SLC22A5: variants seen among roughly 807,000 people sequenced by gnomAD.
SLC22A5 encodes solute carrier family 22 member 5.
In SLC22A5, 44 loss-of-function variants were observed where a neutral mutation model predicts 56.7. The observed-to-expected ratio is 0.78, with a 90% CI of 0.61 to 1.00. SLC22A5 has a LOEUF of 1.00. SLC22A5 is among the 50% of genes least tolerant of loss of function. SLC22A5 has a pLI of 0.00. For synonymous variants in SLC22A5, 278 were observed against 292.1 expected (o/e 0.95, Z 0.49); for missense variants, 675 against 723.0 (o/e 0.93, Z 0.76).
chr5:132,370,445 C>G, intron 1 of SLC22A5, 80 bp downstream of exon 1: 1 of 1,449,384 alleles, frequency 6.9e-7, no homozygotes, highest in South Asian at 1.2e-5. Flanking sequence ...TCCTCTCTCC[C>G]AGATGCGCAC....
intron 1 of SLC22A5, among the ~76,000 whole-genome samples, chr5:132,373,643 T>G (rs995896312): frequency 6.6e-6 from 1 of 152,070 alleles, no homozygotes; most frequent in African/African-American, 2.4e-5. Flanking sequence ...CTCAAAAGAA[T>G]AATAATAATA....
intron 6 of SLC22A5, 76 bp downstream of exon 6, chr5:132,389,097 A>T: frequency 1.1e-6 from 1 of 902,334 alleles, no homozygotes; most frequent in South Asian, 1.3e-5. Context: ...GTTTACAGAC[A>T]TGCCTCAGAC....
chr5:132,387,202 G>A (rs758156200), intron 5 of SLC22A5, 51 bp downstream of exon 5: 24 of 1,611,288 alleles, frequency 1.5e-5, no homozygotes, highest in South Asian at 2.2e-5. Flanking sequence ...CGTGATTTGA[G>A]AGCAGCAGCA....
intron 6 of SLC22A5, 189 bp downstream of exon 6, chr5:132,389,210 A>G (rs1026476438): frequency 1.7e-6 from 1 of 590,088 alleles, no homozygotes; most frequent in Non-Finnish European, 3.1e-6. Context: ...ACCTCAGAAA[A>G]GGAGAATGAA....
chr5:132,386,814 C>A (rs949749422), intron 4 of SLC22A5, among the ~76,000 whole-genome samples: 1 of 152,174 alleles, frequency 6.6e-6, no homozygotes, highest in Non-Finnish European at 1.5e-5. Flanking sequence ...CAGGGCTCTC[C>A]CATTTTTGTG....
At chr5:132,392,065 A>G (rs1752719712) in intron 7 of SLC22A5, among the ~76,000 whole-genome samples, 1 of 152,234 alleles carries the variant, frequency 6.6e-6, no homozygotes, top group Non-Finnish European at 1.5e-5. Flanking sequence ...TGAATTCTCC[A>G]TTCATCTAAA....
chr5:132,390,148 C>A (rs1752652002), intron 6 of SLC22A5: 1 of 194,304 alleles, frequency 5.1e-6, no homozygotes, highest in Admixed American at 5.3e-5. Flanking sequence ...CTGTGCTCCA[C>A]AAGTACCGCG....
At chr5:132,392,234 C>A (rs1752726757) in intron 7 of SLC22A5, among the ~76,000 whole-genome samples, 199 bp from the exon 8 acceptor site, 1 of 152,166 alleles carries the variant, frequency 6.6e-6, no homozygotes, top group South Asian at 2.1e-4. Flanking sequence ...AAGTGCATGT[C>A]CTTATAGCTG....
At chr5:132,386,895 C>A in intron 4 of SLC22A5, 130 bp from the exon 5 acceptor site, 1 of 994,202 alleles carries the variant, frequency 1.0e-6, no homozygotes, top group Non-Finnish European at 1.6e-6. Context: ...TTGCTTCTGG[C>A]TTGTGATCAC....
chr5:132,391,333 C>T (rs982701469), intron 7 of SLC22A5, among the ~76,000 whole-genome samples: 1 of 152,120 alleles, frequency 6.6e-6, no homozygotes, highest in African/African-American at 2.4e-5. Flanking sequence ...CCCAGGCCCT[C>T]ATGGAACGTA....
At position 132,384,290 on chromosome 5, in the gene SLC22A5, C is replaced by G. The variant is rs386134199; in HGVS notation, c.641C>G (p.Ala214Gly). The change falls in exon 3 of 10, where the codon GCA becomes GGA. Residue 214 changes from alanine to glycine, a missense_variant. By Grantham distance (60) the Ala-to-Gly change is moderately conservative (BLOSUM62 0). Transcript: ENST00000245407. Reference sequence around the variant, plus strand: ...GGCCAGATCTCCAACTATGTGGCAGCATTTGTCCTGGGTATGGCCATCAGG... The same window carrying G: ...GGCCAGATCTCCAACTATGTGGCAGGATTTGTCCTGGGTATGGCCATCAGG... ...GMGQISNYVA[A>G]FVLGTEILGK... 5.6e-6 allele frequency: 9 copies of G among 1,614,208 alleles called. No individual in the cohort carries two copies. The highest frequency in any genetic ancestry group is 1.1e-5 in the South Asian group (1 of 91,084).
In SLC22A5 at chr5:132,393,791, C is replaced by T. The variant is rs1162180929; in HGVS notation, c.1566C>T (p.Asp522=). Residue 522 remains aspartate, a synonymous_variant, in exon 9 of 10, where the codon GAC becomes GAT. Transcript: ENST00000245407. ...SFGTPLPDTI[D]QMLRVKGMKH... ...GTACCCCACTCCCAGACACCATTGA[C>T]CAGATGCTAAGAGTCAAAGGGTAAG... The T allele has an allele frequency of 6.2e-7, 1 of 1,614,126 alleles. No homozygotes were observed. Among genetic ancestry groups the T allele is most frequent in the South Asian group, 1.1e-5 (1 of 91,082 alleles).
intron 7 of SLC22A5, 70 bp from the exon 8 acceptor site, chr5:132,392,363 T>C (rs2126791207): frequency 6.4e-6 from 9 of 1,417,142 alleles, no homozygotes; most frequent in Non-Finnish European, 9.0e-6. Flanking sequence ...AAAGTATGTT[T>C]GTTTTGCTCT....
Position 132,369,934 on chromosome 5 carries a change from C to G in SLC22A5, c.-39C>G. 6.2e-7 allele frequency: 1 copy of G among 1,608,428 alleles called. No individual in the cohort carries two copies. Among genetic ancestry groups the G allele is most frequent in the East Asian group, 2.2e-5 (1 of 44,746 alleles). On this transcript the variant is annotated 5_prime_UTR_variant, in exon 1 of 10. Coordinates refer to ENST00000245407, the MANE Select transcript of SLC22A5 (RefSeq NM_003060.4). Reference sequence around the variant, plus strand: ...GCACGCGCAAAGCCCGCCGCGTTCCCCGACCCCAGGCCGCGCTCTGTGGGC... The same window carrying G: ...GCACGCGCAAAGCCCGCCGCGTTCCGCGACCCCAGGCCGCGCTCTGTGGGC...
chr5:132,392,063 C>T (rs1264221321), intron 7 of SLC22A5, among the ~76,000 whole-genome samples: 5 of 152,186 alleles, frequency 3.3e-5, no homozygotes, highest in Non-Finnish European at 7.3e-5. Flanking sequence ...ACTGAATTCT[C>T]CATTCATCTA....
In SLC22A5 at chr5:132,390,693, G is replaced by A; in HGVS notation, c.1056G>A (p.Met352Ile). ...TTTCTTCTGCACTCTGTTTCAGGAT[G>A]ACCATATCAGTGGGCTATTTTGGGC... ...MVTIMSIMLWMTISVGYFGLS... is the reference protein window; with the variant it reads ...MVTIMSIMLWITISVGYFGLS... The change falls in exon 7 of 10, where the codon ATG becomes ATA. Residue 352 changes from methionine to isoleucine, a missense_variant. Transcript: ENST00000245407. 6.2e-7 allele frequency: 1 copy of A among 1,611,718 alleles called. No individual in the cohort carries two copies. The highest frequency in any genetic ancestry group is 8.5e-7 in the Non-Finnish European group (1 of 1,177,782).
In SLC22A5 at chr5:132,369,901, C is replaced by T. The variant is rs1354985630; in HGVS notation, c.-72C>T. The T allele has an allele frequency of 5.7e-6, 9 of 1,571,978 alleles. No individual in the cohort carries two copies. The highest frequency in any genetic ancestry group is 4.5e-5 in the East Asian group (2 of 43,978). The stretch of plus-strand genomic sequence containing the variant: ...TGGCTTGCCTGGTCGGCGGCGGGTG[C>T]CCCGCGCGCACGCGCAAAGCCCGCC... On this transcript the variant is annotated 5_prime_UTR_variant, in exon 1 of 10. Transcript: ENST00000245407.
chr5:132,373,470 T>C (rs1752012629), intron 1 of SLC22A5, among the ~76,000 whole-genome samples: 1 of 152,010 alleles, frequency 6.6e-6, no homozygotes, highest in Non-Finnish European at 1.5e-5. Flanking sequence ...ACTCCATCTC[T>C]ACTAAAAATA....
intron 2 of SLC22A5, chr5:132,382,003 A>T (rs1438762187): frequency 6.6e-6 from 1 of 152,168 alleles, no homozygotes; most frequent in Non-Finnish European, 1.5e-5. Context: ...TGCAGGGGAA[A>T]GTAGAGTCTA....
Sources: allele counts gnomAD v4.1 joint callset (sites outside exome capture counted in the v4.1 genomes callset), GRCh38; gene constraint gnomAD v4.1.1; transcripts MANE v1.5; gene names NCBI Gene and HGNC (gene_info 2026-07-23, HGNC 2026-07-21).